GALNT18: variants seen among roughly 807,000 people sequenced by gnomAD.
GALNT18 encodes GalNAc-transferase 18.
In GALNT18, 44 loss-of-function variants were observed where a neutral mutation model predicts 69.5. The observed-to-expected ratio is 0.63, with a 90% CI of 0.50 to 0.81. The LOEUF (loss-of-function observed/expected upper bound fraction) is 0.81, where lower values mean the gene tolerates loss of function less well. GALNT18 is among the 40% of genes least tolerant of loss of function. The probability of loss-of-function intolerance (pLI) is 0.00; values close to 1 mark genes in which losing one functional copy is unlikely to be tolerated. For synonymous variants in GALNT18, 364 were observed against 318.2 expected (o/e 1.14, Z -1.53); for missense variants, 715 against 810.0 (o/e 0.88, Z 1.42).
At position 11,341,823 on chromosome 11, in the gene GALNT18, T is replaced by C. The variant is rs543000287; in HGVS notation, c.1093-819A>G. ...CCTTCTTCAGCTGAAAAAATTCACC[T>C]CTCAAGACCTTGATCAGGCTGGGCA... On this transcript the variant is annotated intron_variant, in intron 6 of 10. Transcript: ENST00000227756. This position sits in a 1 kb window ranked among gnomAD's most constrained non-coding sequence, Gnocchi z 6.3. Among the ~76,000 whole-genome samples the C allele has an allele frequency of 3.9e-5, 6 of 152,080 alleles. No individual in the cohort carries two copies. The South Asian group carries it at 1.2e-3, about 32-fold the overall frequency.
rs972386924 is a variant in GALNT18, at chr11:11,573,045, A to G, written c.235+48314T>C. ...AGGACGTTATCTTAGCCCATTTTAC[A>G]GATGAGAAACCTGGGTCTCAGAGAT... On this transcript the variant is annotated intron_variant, in intron 1 of 10. Transcript: ENST00000227756. The surrounding 1 kb of genome is among the most constrained non-coding windows in gnomAD (Gnocchi z 4.6). 6.6e-6 allele frequency among the ~76,000 whole-genome samples: 1 copy of G among 152,126 alleles called. No individual in the cohort carries two copies. The highest frequency in any genetic ancestry group is 1.5e-5 in the Non-Finnish European group (1 of 68,012).
chr11:11,353,069 T>C, intron 6 of GALNT18: 1 of 1,614,180 alleles, frequency 6.2e-7, no homozygotes, highest in Non-Finnish European at 8.5e-7. Context: ...GAGGTCTGTG[T>C]GTATTAACAT....
At chr11:11,477,746 A>C (rs1564969086) in intron 1 of GALNT18, among the ~76,000 whole-genome samples, 1 of 152,194 alleles carries the variant, frequency 6.6e-6, no homozygotes, top group Non-Finnish European at 1.5e-5. Flanking sequence ...TCTTGTCTGA[A>C]TTTTCACCCT....
chr11:11,374,436 T>G (rs11021824), intron 5 of GALNT18, among the ~76,000 whole-genome samples: 37,188 of 152,198 alleles, frequency 0.24, 5,563 homozygotes, highest in Middle Eastern at 0.4. Context: ...ATCCTCTCTT[T>G]AAATACGTGA....
In GALNT18 at chr11:11,460,683, C is replaced by T. The variant is rs140462160; in HGVS notation, c.236-11747G>A. Among the ~76,000 whole-genome samples the T allele has an allele frequency of 3.8e-3, 582 of 152,300 alleles. 5 individuals are homozygous for T. Among genetic ancestry groups the T allele is most frequent in the African/African-American group, 0.012 (517 of 41,564 alleles). On this transcript the variant is annotated intron_variant, in intron 1 of 10. Coordinates refer to ENST00000227756, the MANE Select transcript of GALNT18 (RefSeq NM_198516.3). ...CGCCCTCCTGCCTCCCTGTTTCTTCCTGACCCACACAGACGGAATCATTAT... is the reference window on the plus strand; with the variant it reads ...CGCCCTCCTGCCTCCCTGTTTCTTCTTGACCCACACAGACGGAATCATTAT...
chr11:11,283,057 C>T (rs116760934), intron 10 of GALNT18, among the ~76,000 whole-genome samples: 1,798 of 152,128 alleles, frequency 0.012, 41 homozygotes, highest in Middle Eastern at 0.048. Flanking sequence ...GCAGAAATGG[C>T]GGAGTCGTGG....
intron 3 of GALNT18, among the ~76,000 whole-genome samples, chr11:11,392,988 C>T (rs1358585134): frequency 1.3e-5 from 2 of 152,156 alleles, no homozygotes; most frequent in African/African-American, 4.8e-5. Flanking sequence ...TTTCTTAGAA[C>T]CTCTGCATGC....
intron 3 of GALNT18, among the ~76,000 whole-genome samples, chr11:11,395,854 G>A (rs180916268): frequency 6.6e-6 from 1 of 152,218 alleles, no homozygotes; most frequent in Non-Finnish European, 1.5e-5. Flanking sequence ...GGAGGGGAAA[G>A]CTAGACCTTC....
intron 4 of GALNT18, among the ~76,000 whole-genome samples, chr11:11,378,870 G>C (rs1352973165): frequency 6.6e-6 from 1 of 152,138 alleles, no homozygotes; most frequent in Non-Finnish European, 1.5e-5. Context: ...CTGACCTGTT[G>C]ACCCCTGGCT....
At chr11:11,371,828 C>T (rs572745551) in intron 6 of GALNT18, among the ~76,000 whole-genome samples, 106 of 152,298 alleles carry the variant, frequency 7.0e-4, no homozygotes, top group Middle Eastern at 3.4e-3. Context: ...ATGTTTTCAC[C>T]GGCCAAGGGG....
In GALNT18 at chr11:11,377,995, C is replaced by A. The variant is rs1853815478; in HGVS notation, c.780-616G>T. Reference sequence around the variant, plus strand: ...ACCAGGCGAGTAAAGTGTTTGCAGGCAGGAATAAGCTTCTCATTAATAATA... The same window carrying A: ...ACCAGGCGAGTAAAGTGTTTGCAGGAAGGAATAAGCTTCTCATTAATAATA... On this transcript the variant is annotated intron_variant, in intron 4 of 10. Coordinates refer to ENST00000227756, the MANE Select transcript of GALNT18 (RefSeq NM_198516.3). The surrounding 1 kb of genome is among the most constrained non-coding windows in gnomAD (Gnocchi z 4.6). 6.6e-6 allele frequency among the ~76,000 whole-genome samples: 1 copy of A among 152,182 alleles called. No homozygotes were observed. Among genetic ancestry groups the A allele is most frequent in the African/African-American group, 2.4e-5 (1 of 41,428 alleles).
chr11:11,343,648 C>CTGTGA (rs1376556724), intron 6 of GALNT18, among the ~76,000 whole-genome samples: 2 of 152,184 alleles, frequency 1.3e-5, no homozygotes, highest in Non-Finnish European at 2.9e-5. Context: ...CTATGAAAGC[C>CTGTGA]TGTGAATCCC....
chr11:11,448,376 C>T (rs912552235), intron 2 of GALNT18, among the ~76,000 whole-genome samples: 21 of 152,228 alleles, frequency 1.4e-4, no homozygotes, highest in African/African-American at 5.1e-4. Context: ...GTTAGCCCCA[C>T]AAGATAGATG....
chr11:11,553,809 GC>G (rs1304176563), intron 1 of GALNT18, among the ~76,000 whole-genome samples: 1 of 152,032 alleles, frequency 6.6e-6, no homozygotes, highest in East Asian at 1.9e-4. Flanking sequence ...GCAGCTGGGT[GC>G]CAAGGTCGCC....
intron 1 of GALNT18, among the ~76,000 whole-genome samples, chr11:11,501,103 G>A (rs1490027198): frequency 6.6e-6 from 1 of 152,168 alleles, no homozygotes; most frequent in African/African-American, 2.4e-5. Flanking sequence ...CCCTCCTATT[G>A]AACTGTTTAA....
At position 11,337,143 on chromosome 11, in the gene GALNT18, C is replaced by A. The variant is rs910437313; in HGVS notation, c.1278+3676G>T. ...CTCAAAATCCTCTCTGAGGATGAGA[C>A]CCAGATGAGTATTTTTTTAAAAGTT... On this transcript the variant is annotated intron_variant, in intron 7 of 10. Coordinates refer to ENST00000227756, the MANE Select transcript of GALNT18 (RefSeq NM_198516.3). The surrounding 1 kb of genome is among the most constrained non-coding windows in gnomAD (Gnocchi z 4.9). 1.3e-5 allele frequency among the ~76,000 whole-genome samples: 2 copies of A among 152,098 alleles called. No individual in the cohort carries two copies. Among genetic ancestry groups the A allele is most frequent in the African/African-American group, 4.8e-5 (2 of 41,408 alleles).
At chr11:11,556,726 T>G (rs1858341729) in intron 1 of GALNT18, among the ~76,000 whole-genome samples, 1 of 152,208 alleles carries the variant, frequency 6.6e-6, no homozygotes, top group South Asian at 2.1e-4. Flanking sequence ...GATATGTCAA[T>G]GTACACTACC....
chr11:11,491,573 C>A (rs1856770132), intron 1 of GALNT18, among the ~76,000 whole-genome samples: 1 of 152,254 alleles, frequency 6.6e-6, no homozygotes, highest in Non-Finnish European at 1.5e-5. Context: ...TCTAAAACCT[C>A]CCTATGGATT....
At position 11,542,022 on chromosome 11, in the gene GALNT18, GA is replaced by G. The variant is rs1857939733; in HGVS notation, c.235+79336del. Among the ~76,000 whole-genome samples, 1 of 152,114 alleles carries G rather than the reference GA, an allele frequency of 6.6e-6. No individual in the cohort carries two copies. The highest frequency in any genetic ancestry group is 1.9e-4 in the East Asian group (1 of 5,176). On this transcript the variant is annotated intron_variant, in intron 1 of 10. Transcript: ENST00000227756. The surrounding 1 kb of genome is among the most constrained non-coding windows in gnomAD (Gnocchi z 4.3). ...ACCCCAGAGACCCCGCTGTAAATAT[GA>G]AGGAGCCAACCAACCACGATGTTGG...
Sources: allele counts gnomAD v4.1 joint callset (sites outside exome capture counted in the v4.1 genomes callset), GRCh38; gene constraint gnomAD v4.1.1; non-coding constraint Gnocchi (gnomAD v3.1); transcripts MANE v1.5; gene names NCBI Gene and HGNC (gene_info 2026-07-23, HGNC 2026-07-21).